NAV1: variants seen among roughly 807,000 people sequenced by gnomAD.
NAV1 encodes the protein neuron navigator 1, also known as pore membrane and/or filament interacting like protein 3.
A neutral mutation model predicts 175.2 loss-of-function variants in NAV1; 18 were observed. That is an observed-to-expected ratio of 0.10 (90% CI 0.07 to 0.15). The LOEUF is 0.15. NAV1 is among the 10% of genes least tolerant of loss of function. NAV1 has a pLI of 1.00. For missense variants in NAV1, 1,731 were observed against 2,436.6 expected (o/e 0.71, Z 6.10); for synonymous variants, 897 against 978.7 (o/e 0.92, Z 1.56).
chr1:201,566,530 C>T (rs1318964342), intron 1 of NAV1, among the ~76,000 whole-genome samples: 1 of 152,140 alleles, frequency 6.6e-6, no homozygotes, highest in African/African-American at 2.4e-5. Flanking sequence ...GAACACAGCC[C>T]CTCGAGTTCT....
At chr1:201,587,289 A>G (rs1667062054) in intron 1 of NAV1, among the ~76,000 whole-genome samples, 1 of 152,008 alleles carries the variant, frequency 6.6e-6, no homozygotes, top group South Asian at 2.1e-4. Context: ...GAAACCTTTT[A>G]TTTTTCAAAT....
At position 201,718,782 on chromosome 1, in the gene NAV1, G is replaced by C. The variant is rs375805913; in HGVS notation, c.1226+27G>C. The C allele has an allele frequency of 2.5e-6, 4 of 1,573,750 alleles. No homozygotes were observed. The highest frequency in any genetic ancestry group is 1.3e-5 in the African/African-American group (1 of 74,198). Reference sequence around the variant, plus strand: ...TAAGCGCAGGGGCTTCTTGGATGGCGGGGGAGGATGGTGGAAAGACCACTG... The same window carrying C: ...TAAGCGCAGGGGCTTCTTGGATGGCCGGGGAGGATGGTGGAAAGACCACTG... On this transcript the variant is annotated intron_variant, in intron 3 of 29. Coordinates refer to ENST00000367296, the Ensembl canonical transcript of NAV1. The surrounding 1 kb of genome is among the most constrained non-coding windows in gnomAD (Gnocchi z 4.8).
chr1:201,783,732 C>T, exon 7 of NAV1: 6 of 1,614,212 alleles, frequency 3.7e-6, no homozygotes, highest in Non-Finnish European at 5.1e-6. Flanking sequence ...ATGAGCCTCC[C>T]CAGTGCCTTC....
upstream of NAV1, among the ~76,000 whole-genome samples, chr1:201,618,718 A>G (rs1198362565): frequency 1.3e-5 from 2 of 152,068 alleles, no homozygotes; most frequent in Non-Finnish European, 2.9e-5. Flanking sequence ...CAGCTCACTT[A>G]ACCTTCTCCA....
At chr1:201,672,874 C>G (rs1322009603) in intron 1 of NAV1, among the ~76,000 whole-genome samples, 3 of 152,214 alleles carry the variant, frequency 2.0e-5, no homozygotes, top group African/African-American at 7.2e-5. Flanking sequence ...AACAGACGCT[C>G]AAGCTCGACT....
intron 3 of NAV1, among the ~76,000 whole-genome samples, chr1:201,760,920 A>G (rs1431377636): frequency 1.3e-5 from 2 of 152,118 alleles, no homozygotes; most frequent in African/African-American, 4.8e-5. Context: ...TTAGCATCCA[A>G]TATTCTTCTC....
chr1:201,709,566 G>T (rs114923905), intron 1 of NAV1, among the ~76,000 whole-genome samples: 1 of 152,070 alleles, frequency 6.6e-6, no homozygotes, highest in Non-Finnish European at 1.5e-5. Flanking sequence ...TAGCAATGTG[G>T]AGGAAGCCAG....
intron 2 of NAV1, among the ~76,000 whole-genome samples, chr1:201,642,564 T>TCCTTCCTTCCTCTTTCTTCCCTC (rs1668824318): frequency 6.8e-6 from 1 of 147,446 alleles, no homozygotes; most frequent in South Asian, 2.2e-4. Flanking sequence ...TTTTTTCCCT[T>TCCTTCCTTCCTCTTTCTTCCCTC]TCTTCCCTTC....
At chr1:201,597,106 G>A (rs753632003) in intron 2 of NAV1, among the ~76,000 whole-genome samples, 15 of 152,170 alleles carry the variant, frequency 9.9e-5, no homozygotes, top group South Asian at 2.1e-4. Flanking sequence ...GATTACAGAC[G>A]TGAGCCACCG....
At chr1:201,769,669 T>C (rs1247626445) in intron 3 of NAV1, among the ~76,000 whole-genome samples, 4 of 152,180 alleles carry the variant, frequency 2.6e-5, no homozygotes, top group Non-Finnish European at 5.9e-5. Flanking sequence ...TTATTCTCTT[T>C]CCTATATGAG....
intron 3 of NAV1, among the ~76,000 whole-genome samples, chr1:201,774,968 G>A (rs1408499502): frequency 1.3e-5 from 2 of 152,066 alleles, no homozygotes; most frequent in Non-Finnish European, 2.9e-5. Context: ...GAGGAAGTGG[G>A]GCAGCAACTC....
chr1:201,586,582 G>T (rs1325344514), intron 1 of NAV1, among the ~76,000 whole-genome samples: 1 of 152,040 alleles, frequency 6.6e-6, no homozygotes, highest in African/African-American at 2.4e-5. Flanking sequence ...CTCACAGGTG[G>T]CTGCCTTCTC....
intron 3 of NAV1, among the ~76,000 whole-genome samples, chr1:201,744,443 G>A (rs752760070): frequency 5.5e-4 from 83 of 152,036 alleles, no homozygotes; most frequent in Non-Finnish European, 1.1e-3. Flanking sequence ...AAGGCAGACC[G>A]TAGTCCCTGC....
At chr1:201,599,763 G>A (rs1184169375) in intron 2 of NAV1, among the ~76,000 whole-genome samples, 1 of 152,210 alleles carries the variant, frequency 6.6e-6, no homozygotes, top group Non-Finnish European at 1.5e-5. Flanking sequence ...TCAGGGACAG[G>A]GGGAGGGAGG....
chr1:201,717,433 C>T (rs1475106970), intron 2 of NAV1, among the ~76,000 whole-genome samples: 1 of 152,216 alleles, frequency 6.6e-6, no homozygotes, highest in East Asian at 1.9e-4. Context: ...TTATGGGTCT[C>T]AGCCTGAACC....
chr1:201,804,465 C>T, intron 16 of NAV1, 24 bp from the exon 21 acceptor site: 4 of 1,541,006 alleles, frequency 2.6e-6, no homozygotes, highest in Non-Finnish European at 2.6e-6. Flanking sequence ...AAAATGCTGA[C>T]TCCAAATCCC....
chr1:201,717,854 C>T (rs1672203273), intron 2 of NAV1, among the ~76,000 whole-genome samples: 1 of 152,198 alleles, frequency 6.6e-6, no homozygotes, highest in African/African-American at 2.4e-5. Context: ...CAGCTAATTA[C>T]TAGAAGAGAG....
intron 3 of NAV1, 64 bp from the exon 8 acceptor site, chr1:201,780,357 A>G (rs1464357934): frequency 3.8e-6 from 6 of 1,597,876 alleles, no homozygotes; most frequent in Non-Finnish European, 5.1e-6. Context: ...CATCAATGTG[A>G]AACATTTATT....
intron 1 of NAV1, among the ~76,000 whole-genome samples, chr1:201,586,661 G>T (rs542237295): frequency 6.6e-6 from 1 of 152,086 alleles, no homozygotes; most frequent in Non-Finnish European, 1.5e-5. Context: ...AGGGAAGACA[G>T]AGAGCAGGGA....
Sources: gnomAD v4.1 joint callset for allele counts (sites outside exome capture counted in the v4.1 genomes callset) on GRCh38, gnomAD v4.1.1 for gene constraint, Gnocchi (gnomAD v3.1) non-coding constraint, MANE v1.5 for transcripts, NCBI Gene and HGNC (gene_info 2026-07-23, HGNC 2026-07-21) for gene names.